Variants in MIA3 observed in about 807,000 individuals in gnomAD.
MIA3 encodes transport and Golgi organization protein 1 homolog.
In MIA3, 90 loss-of-function variants were observed where a neutral mutation model predicts 192.4. The observed-to-expected ratio is 0.47, with a 90% CI of 0.39 to 0.56. The LOEUF is 0.56. Ranked by LOEUF, MIA3 falls within the 20% of genes least tolerant of loss-of-function variation. MIA3 has a pLI of 0.00. For synonymous variants in MIA3, 740 were observed against 792.8 expected (o/e 0.93, Z 1.12); for missense variants, 2,123 against 2,269.4 (o/e 0.94, Z 1.31).
chr1:222,641,283 G>A (rs1662841998), intron 6 of MIA3: 1 of 239,882 alleles, frequency 4.2e-6, no homozygotes, highest in Non-Finnish European at 8.4e-6. Context: ...GTAGGTCAAT[G>A]TTTTTGACAG....
chr1:222,652,355 G>C (rs1336275445), intron 13 of MIA3, 23 bp downstream of exon 13: 1 of 1,501,044 alleles, frequency 6.7e-7, no homozygotes, highest in Non-Finnish European at 9.3e-7. Flanking sequence ...GCGTGTCCCA[G>C]GTCATGTAAA....
At position 222,645,583 on chromosome 1, in the gene MIA3, G is replaced by A; in HGVS notation, c.3507G>A (p.Gln1169=). The change falls in exon 7 of 28, where the codon CAG becomes CAA. Residue 1169 remains glutamine (Q), a synonymous_variant. Transcript: ENST00000344922. Reference sequence around the variant, plus strand: ...TTGCTACATTGCCTGATGATGTTCAGCCTGGGCCTGATTTTTATGGACTGC... The same window carrying A: ...TTGCTACATTGCCTGATGATGTTCAACCTGGGCCTGATTTTTATGGACTGC... The part of the protein sequence containing the change: ...SLVATLPDDV[Q]PGPDFYGLPW... 5 of 1,612,924 alleles carry A rather than the reference G, an allele frequency of 3.1e-6. No individual in the cohort carries two copies. Among genetic ancestry groups the A allele is most frequent in the Non-Finnish European group, 3.4e-6 (4 of 1,179,366 alleles).
chr1:222,667,142 A>AAGAT lies in MIA3; in HGVS notation c.*1530_*1533dup, dbSNP rs897623052. 23 of 152,224 alleles carry AAGAT rather than the reference A, an allele frequency of 1.5e-4. No individual in the cohort carries two copies. Among genetic ancestry groups the AAGAT allele is most frequent in the African/African-American group, 4.3e-4 (18 of 41,462 alleles). 9.4% of individuals were successfully genotyped at this position (152,224 alleles called of 1,614,324 possible). On this transcript the variant is annotated 3_prime_UTR_variant, in exon 28 of 28. Transcript: ENST00000344922. ...TTTCTCTCTTTATACTAAACAACTGAAGATAGATAGTTTAGAAAGATAAGG... is the reference window on the plus strand; with the variant it reads ...TTTCTCTCTTTATACTAAACAACTGAAGATAGATAGATAGTTTAGAAAGATAAGG...
intron 6 of MIA3, among the ~76,000 whole-genome samples, chr1:222,643,644 G>T (rs1290917950): frequency 6.6e-6 from 1 of 151,980 alleles, no homozygotes; most frequent in African/African-American, 2.4e-5. Flanking sequence ...CATTATCCTT[G>T]TCCTTTTCCA....
chr1:222,621,760 A>G (rs1216269468), intron 2 of MIA3, among the ~76,000 whole-genome samples: 2 of 151,774 alleles, frequency 1.3e-5, no homozygotes, highest in African/African-American at 4.8e-5. Context: ...CTGTGCTATT[A>G]TAAGTCTGTA....
At position 222,634,687 on chromosome 1, in the gene MIA3, C is replaced by T. The variant is rs150017468; in HGVS notation, c.3477+1438C>T. ...CTCTTGAAGTTGGAGGCCAGGTTGC[C>T]CTTAGGGCTACAGAGAAAGTATGCT... On this transcript the variant is annotated intron_variant, in intron 6 of 27. Coordinates refer to ENST00000344922, the MANE Select transcript of MIA3 (RefSeq NM_198551.4). Among the ~76,000 whole-genome samples, 97 of 152,156 alleles carry T rather than the reference C, an allele frequency of 6.4e-4. 1 individual carries two copies. The East Asian group carries it at 0.017, about 27-fold the overall frequency.
intron 3 of MIA3, among the ~76,000 whole-genome samples, chr1:222,626,919 T>A (rs577048906): frequency 2.6e-5 from 4 of 152,172 alleles, no homozygotes; most frequent in African/African-American, 9.7e-5. Flanking sequence ...GAGGGCACAA[T>A]GTAGAGAAGC....
Position 222,652,264 on chromosome 1 carries a change from G to T in MIA3, c.4018G>T (p.Glu1340Ter). 1 of 1,613,856 alleles carries T rather than the reference G, an allele frequency of 6.2e-7. No individual in the cohort carries two copies. Among genetic ancestry groups the T allele is most frequent in the South Asian group, 1.1e-5 (1 of 91,074 alleles). Residue 1340 changes from glutamate (E) to a stop codon, truncating the protein, a stop_gained, in exon 13 of 28, where the codon GAG becomes TAG. Coordinates refer to ENST00000344922, the MANE Select transcript of MIA3 (RefSeq NM_198551.4). LOFTEE classifies it high-confidence loss of function. The part of the protein sequence containing the change: ...IALNEAKLSE[E>*]KVKSECHRVQ... ...ACTTAATGAAGCTAAGCTTAGTGAAGAGAAGGTGAAGTCTGAATGCCATCG... is the reference window on the plus strand; with the variant it reads ...ACTTAATGAAGCTAAGCTTAGTGAATAGAAGGTGAAGTCTGAATGCCATCG...
intron 6 of MIA3, among the ~76,000 whole-genome samples, chr1:222,642,553 A>T (rs1259219561): frequency 6.6e-6 from 1 of 152,186 alleles, no homozygotes; most frequent in South Asian, 2.1e-4. Context: ...TTATATCCCC[A>T]GTATCTTTGA....
intron 2 of MIA3, among the ~76,000 whole-genome samples, chr1:222,622,640 C>G (rs868691843): frequency 3.9e-4 from 60 of 152,208 alleles, no homozygotes; most frequent in African/African-American, 1.3e-3. Context: ...ATTCTATTTC[C>G]TTCAAGTCTA....
chr1:222,633,370 G>T, intron 6 of MIA3, 121 bp downstream of exon 6: 2 of 829,422 alleles, frequency 2.4e-6, no homozygotes, highest in Non-Finnish European at 3.8e-6. Context: ...ATCCTTTGAA[G>T]AGAGACCCTG....
chr1:222,628,243 T>A lies in MIA3; in HGVS notation c.1023T>A (p.Thr341=), dbSNP rs1268232659. ...LTFTDGEDMK[T]PAKSGVEKYP... ...TTACAGATGGGGAAGATATGAAAAC[T>A]CCAGCAAAGTCTGGCGTTGAGAAAT... The change falls in exon 4 of 28, where the codon ACT becomes ACA. Residue 341 remains threonine, a synonymous_variant. Coordinates refer to ENST00000344922, the MANE Select transcript of MIA3 (RefSeq NM_198551.4). 1 of 1,613,952 alleles carries A rather than the reference T, an allele frequency of 6.2e-7. No homozygotes were observed. Among genetic ancestry groups the A allele is most frequent in the African/African-American group, 1.3e-5 (1 of 74,920 alleles).
chr1:222,655,033 C>T (rs549075768), intron 18 of MIA3, among the ~76,000 whole-genome samples: 40 of 152,328 alleles, frequency 2.6e-4, no homozygotes, highest in South Asian at 2.3e-3. Flanking sequence ...CTGGTACTGA[C>T]GGTCGCTGCT....
chr1:222,622,163 T>A (rs1358315943), intron 2 of MIA3, among the ~76,000 whole-genome samples: 1 of 152,114 alleles, frequency 6.6e-6, no homozygotes, highest in Non-Finnish European at 1.5e-5. Flanking sequence ...TTCAGACACT[T>A]GTGTCTGGAG....
intron 6 of MIA3, among the ~76,000 whole-genome samples, chr1:222,635,839 C>T (rs1018813192): frequency 2.0e-5 from 3 of 152,120 alleles, no homozygotes; most frequent in African/African-American, 7.2e-5. Flanking sequence ...CATTTTGGGA[C>T]CTGTGCGTCA....
chr1:222,619,007 C>T (rs907422588), intron 1 of MIA3, among the ~76,000 whole-genome samples: 1 of 152,150 alleles, frequency 6.6e-6, no homozygotes, highest in African/African-American at 2.4e-5. Flanking sequence ...ATCTTTCGCT[C>T]TGCAGAGACC....
At position 222,638,497 on chromosome 1, in the gene MIA3, C is replaced by G. The variant is rs939738817; in HGVS notation, c.3477+5248C>G. Among the ~76,000 whole-genome samples, 3 of 151,908 alleles carry G rather than the reference C, an allele frequency of 2.0e-5. No individual in the cohort carries two copies. In the East Asian group the frequency reaches 5.8e-4, roughly 29 times the overall value. On this transcript the variant is annotated intron_variant, in intron 6 of 27. Transcript: ENST00000344922. ...CTTGAGCCCAGAACTTCAAGACCAG[C>G]CTAAACATGGTGAAATCCTGTTTCT...
rs370710741 is a variant in MIA3, at chr1:222,629,628, G to T, written c.2408G>T (p.Gly803Val). 2 of 1,614,172 alleles carry T rather than the reference G, an allele frequency of 1.2e-6. No homozygotes were observed. The highest frequency in any genetic ancestry group is 1.7e-6 in the Non-Finnish European group (2 of 1,180,042). The part of the protein sequence containing the change: ...ETAAKGVNTG[G>V]REPNTMVEKE... ...GCTGCCAAAGGGGTCAACACAGGAG[G>T]CAGGGAACCAAATACAATGGTGGAA... Residue 803 changes from glycine (G) to valine (V), a missense_variant, in exon 4 of 28, where the codon GGC (glycine) becomes GTC (valine). Physicochemically the swap from Gly to Val is moderately radical, Grantham distance 109. This residue lies in a region of MIA3 where 1,357 missense variants were observed against 1,396.1 expected (regional missense o/e 0.97). Transcript: ENST00000344922.
At chr1:222,654,150 A>C in intron 15 of MIA3, 93 bp from the exon 16 acceptor site, 3 of 1,194,632 alleles carry the variant, frequency 2.5e-6, no homozygotes, top group Non-Finnish European at 3.6e-6. Context: ...ATGTTTGAAC[A>C]TGACAATTGT....
Sources: gnomAD v4.1 joint callset for allele counts (sites outside exome capture counted in the v4.1 genomes callset) on GRCh38, gnomAD v4.1.1 for gene constraint, gnomAD v4.1.1 regional missense constraint, MANE v1.5 for transcripts, NCBI Gene and HGNC (gene_info 2026-07-23, HGNC 2026-07-21) for gene names.